The following FMNL2 variants were observed in gnomAD, a reference collection of about 807,000 sequenced individuals.
The protein encoded by FMNL2 is formin-like protein 2.
FMNL2 carries 51 observed loss-of-function variants against 130.2 expected under a neutral mutation model. The observed-to-expected ratio is 0.39, with a 90% CI of 0.31 to 0.49. The LOEUF is 0.49. Among genes scored for constraint, FMNL2 ranks in the 20% least tolerant of loss-of-function variants. The pLI is 0.85. For missense variants in FMNL2, 977 were observed against 1,316.2 expected, an observed-to-expected ratio of 0.74 and a Z score of 3.99; for synonymous variants, 465 against 467.1, an observed-to-expected ratio of 1.00 and a Z score of 0.06.
chr2:152,640,355 A>G (rs1056973767), intron 24 of FMNL2, among the ~76,000 whole-genome samples: 3 of 152,226 alleles, frequency 2.0e-5, no homozygotes, highest in Admixed American at 2.0e-4. Context: ...TAGCATCCAG[A>G]GAAGGCTTTA....
intron 1 of FMNL2, among the ~76,000 whole-genome samples, chr2:152,378,635 G>T (rs200363565): frequency 6.6e-6 from 1 of 152,248 alleles, no homozygotes; most frequent in East Asian, 1.9e-4. Flanking sequence ...AGCATTGTCT[G>T]TGTGATTTGC....
chr2:152,515,191 C>T (rs1020607367), intron 1 of FMNL2, among the ~76,000 whole-genome samples: 9 of 152,196 alleles, frequency 5.9e-5, no homozygotes, highest in African/African-American at 1.7e-4. Context: ...TTCTACTTTC[C>T]GTAGCAAAAA....
At chr2:152,431,278 CAATTA>C (rs1687477889) in intron 1 of FMNL2, among the ~76,000 whole-genome samples, 1 of 152,148 alleles carries the variant, frequency 6.6e-6, no homozygotes, top group Non-Finnish European at 1.5e-5. Context: ...TTATAAGGCT[CAATTA>C]TGATAATGGT....
At chr2:152,548,361 TAA>T (rs547673979) in intron 3 of FMNL2, among the ~76,000 whole-genome samples, 8 of 152,198 alleles carry the variant, frequency 5.3e-5, no homozygotes, top group Non-Finnish European at 1.0e-4. Context: ...CATTTCCTGA[TAA>T]GACTGTTTCG....
intron 6 of FMNL2, among the ~76,000 whole-genome samples, chr2:152,566,003 A>G (rs2105630252): frequency 6.6e-6 from 1 of 151,920 alleles, no homozygotes; most frequent in Non-Finnish European, 1.5e-5. Context: ...CTGCTCTCGA[A>G]CTCCTGGGCT....
intron 25 of FMNL2, among the ~76,000 whole-genome samples, chr2:152,646,157 C>CCA (rs781415518): frequency 3.4e-5 from 4 of 116,884 alleles, no homozygotes; most frequent in East Asian, 2.1e-4. Flanking sequence ...CCCATCTCTA[C>CCA]AAAAAAAAAA....
At chr2:152,371,073 A>C (rs1444339009) in intron 1 of FMNL2, among the ~76,000 whole-genome samples, 1 of 152,240 alleles carries the variant, frequency 6.6e-6, no homozygotes, top group Non-Finnish European at 1.5e-5. Context: ...GTTTCTACAG[A>C]CTGCATGTTA....
intron 6 of FMNL2, among the ~76,000 whole-genome samples, chr2:152,564,841 A>G (rs1695741835): frequency 8.9e-6 from 1 of 112,778 alleles, no homozygotes; most frequent in Admixed American, 1.1e-4. Context: ...CCTTGTAGTC[A>G]TACTTTACTT....
chr2:152,602,293 A>G (rs923762036), intron 9 of FMNL2, among the ~76,000 whole-genome samples: 3 of 152,146 alleles, frequency 2.0e-5, no homozygotes, highest in Admixed American at 1.3e-4. Context: ...GAATTTATTC[A>G]CTTGCAGCCG....
intron 1 of FMNL2, among the ~76,000 whole-genome samples, chr2:152,478,243 TATATATA>T (rs1407641991): frequency 9.2e-4 from 33 of 36,046 alleles, no homozygotes; most frequent in African/African-American, 2.3e-3. Flanking sequence ...TATATATATA[TATATATA>T]TTTTTTTTTT....
intron 1 of FMNL2, among the ~76,000 whole-genome samples, chr2:152,376,327 C>T (rs35589152): frequency 0.25 from 37,313 of 152,118 alleles, 5,605 homozygotes; most frequent in East Asian, 0.73. Context: ...TTCTTATACA[C>T]GTTTTTGTGT....
At chr2:152,544,952 T>C (rs1171397683) in intron 3 of FMNL2, among the ~76,000 whole-genome samples, 1 of 152,210 alleles carries the variant, frequency 6.6e-6, no homozygotes, top group Non-Finnish European at 1.5e-5. Context: ...AATAATAAAC[T>C]GGAGCAGGAC....
At chr2:152,452,544 C>A (rs982331583) in intron 1 of FMNL2, among the ~76,000 whole-genome samples, 7 of 152,218 alleles carry the variant, frequency 4.6e-5, no homozygotes, top group East Asian at 1.9e-4. Context: ...TCCTCCCCCC[C>A]CTAGTTTTCT....
At chr2:152,377,260 G>A (rs1035062335) in intron 1 of FMNL2, among the ~76,000 whole-genome samples, 3 of 152,232 alleles carry the variant, frequency 2.0e-5, no homozygotes, top group Admixed American at 6.5e-5. Context: ...TGGAGGGCAA[G>A]CCTCCCTTGT....
chr2:152,487,289 A>G (rs1485199558), intron 1 of FMNL2, among the ~76,000 whole-genome samples: 4 of 152,250 alleles, frequency 2.6e-5, no homozygotes, highest in Non-Finnish European at 5.9e-5. Context: ...ATTTAATGCC[A>G]GAAGTAAAAG....
intron 1 of FMNL2, among the ~76,000 whole-genome samples, chr2:152,410,180 G>A (rs1012754721): frequency 1.3e-5 from 2 of 152,246 alleles, no homozygotes; most frequent in African/African-American, 4.8e-5. Context: ...GCTTGCTGTC[G>A]ATATGGAGCA....
chr2:152,372,381 G>T, intron 1 of FMNL2, among the ~76,000 whole-genome samples: 1 of 152,216 alleles, frequency 6.6e-6, no homozygotes. Context: ...CCTGCCTTCA[G>T]ATAGCTACAT....
chr2:152,489,771 A>G (rs1472636161), intron 1 of FMNL2, among the ~76,000 whole-genome samples: 1 of 152,194 alleles, frequency 6.6e-6, no homozygotes. Context: ...TATAGACTGA[A>G]ACAAGTCTAA....
At chr2:152,562,666 CA>C (rs945354018) in intron 6 of FMNL2, among the ~76,000 whole-genome samples, 1 of 152,102 alleles carries the variant, frequency 6.6e-6, no homozygotes, top group Non-Finnish European at 1.5e-5. Context: ...TGCAGTAGGC[CA>C]AAGGTTGTGC....
Sources: gnomAD v4.1 joint callset for allele counts (sites outside exome capture counted in the v4.1 genomes callset) on GRCh38, gnomAD v4.1.1 for gene constraint, MANE v1.5 for transcripts, NCBI Gene and HGNC (gene_info 2026-07-23, HGNC 2026-07-21) for gene names.